Variants in KHDRBS3 observed in about 807,000 individuals in gnomAD.
The protein encoded by KHDRBS3 is KH RNA binding domain containing, signal transduction associated 3, also known as KH domain-containing, RNA-binding, signal transduction-associated protein 3.
KHDRBS3 carries 23 observed loss-of-function variants against 45.6 expected under a neutral mutation model. That is an observed-to-expected ratio of 0.50 (90% CI 0.36 to 0.72). The LOEUF is 0.72. Ranked by LOEUF, KHDRBS3 falls within the 30% of genes least tolerant of loss-of-function variation. The probability of loss-of-function intolerance (pLI) is 0.00; values close to 1 mark genes in which losing one functional copy is unlikely to be tolerated. For synonymous variants in KHDRBS3, 162 were observed against 156.5 expected, an observed-to-expected ratio of 1.04 and a Z score of -0.26; for missense variants, 352 against 424.8, an observed-to-expected ratio of 0.83 and a Z score of 1.51.
intron 7 of KHDRBS3, among the ~76,000 whole-genome samples, chr8:135,631,464 T>C (rs1359522734): frequency 1.3e-5 from 2 of 152,100 alleles, no homozygotes; most frequent in African/African-American, 4.8e-5. Context: ...GGTTTTTTTT[T>C]TAACTTTTTA....
chr8:135,535,577 T>G (rs1027748911), intron 2 of KHDRBS3, among the ~76,000 whole-genome samples: 15 of 151,926 alleles, frequency 9.9e-5, no homozygotes, highest in Non-Finnish European at 1.5e-4. Flanking sequence ...ATTATATATT[T>G]ATATGTGTGT....
intron 5 of KHDRBS3, among the ~76,000 whole-genome samples, chr8:135,572,566 A>G (rs1043267227): frequency 1.3e-5 from 2 of 152,242 alleles, no homozygotes; most frequent in African/African-American, 4.8e-5. Flanking sequence ...CTCTGGATCT[A>G]AGACTCAGCT....
At chr8:135,624,410 G>C (rs1462116653) in intron 7 of KHDRBS3, among the ~76,000 whole-genome samples, 1 of 152,136 alleles carries the variant, frequency 6.6e-6, no homozygotes, top group Non-Finnish European at 1.5e-5. Context: ...TAAAAATCTG[G>C]GCACACCTCA....
chr8:135,616,863 AT>A (rs953938036), intron 7 of KHDRBS3, among the ~76,000 whole-genome samples: 1 of 152,060 alleles, frequency 6.6e-6, no homozygotes, highest in African/African-American at 2.4e-5. Flanking sequence ...GTATTTATTT[AT>A]TTTTTAAATA....
At chr8:135,632,513 C>T (rs142690346) in intron 7 of KHDRBS3, among the ~76,000 whole-genome samples, 19 of 152,158 alleles carry the variant, frequency 1.2e-4, no homozygotes, top group African/African-American at 4.1e-4. Context: ...AGACCTGTCT[C>T]CTGACCCCTA....
At chr8:135,652,797 T>G (rs34260579) in intron 4 of KHDRBS3, among the ~76,000 whole-genome samples, 15,406 of 152,222 alleles carry the variant, frequency 0.1, 1,014 homozygotes, top group Middle Eastern at 0.24. Flanking sequence ...ATTGGCTGTT[T>G]ACCCTCCTTT....
At chr8:135,590,718 GTT>G (rs1184458736) in intron 6 of KHDRBS3, among the ~76,000 whole-genome samples, 1 of 152,168 alleles carries the variant, frequency 6.6e-6, no homozygotes, top group African/African-American at 2.4e-5. Context: ...CTTGAAAAAT[GTT>G]TTACAAAATG....
At chr8:135,576,096 T>C (rs921653505) in intron 5 of KHDRBS3, among the ~76,000 whole-genome samples, 2 of 152,192 alleles carry the variant, frequency 1.3e-5, no homozygotes, top group Non-Finnish European at 2.9e-5. Context: ...CCTGGGCTTA[T>C]GAGTTTGGGG....
chr8:135,503,289 T>C (rs1393548801), intron 1 of KHDRBS3, among the ~76,000 whole-genome samples: 1 of 152,214 alleles, frequency 6.6e-6, no homozygotes, highest in African/African-American at 2.4e-5. Context: ...TCTTAACTGC[T>C]TTAGGGAAAC....
intron 6 of KHDRBS3, among the ~76,000 whole-genome samples, chr8:135,605,742 CCCACA>C (rs1200674171): frequency 6.6e-6 from 1 of 152,028 alleles, no homozygotes; most frequent in Non-Finnish European, 1.5e-5. Flanking sequence ...AGTAAGTGAA[CCCACA>C]CAATTCAAAT....
At chr8:135,590,746 A>G (rs191756538) in intron 6 of KHDRBS3, among the ~76,000 whole-genome samples, 1 of 152,258 alleles carries the variant, frequency 6.6e-6, no homozygotes, top group Admixed American at 6.5e-5. Context: ...TAAAAAATAC[A>G]GACTTGCCAT....
intron 1 of KHDRBS3, among the ~76,000 whole-genome samples, chr8:135,498,525 G>A (rs1393537490): frequency 1.3e-5 from 2 of 152,128 alleles, no homozygotes; most frequent in African/African-American, 4.8e-5. Context: ...AACCTTTGCT[G>A]TAATTGTCTC....
intron 7 of KHDRBS3, among the ~76,000 whole-genome samples, chr8:135,613,190 C>T (rs1829776155): frequency 6.6e-6 from 1 of 151,858 alleles, no homozygotes; most frequent in Non-Finnish European, 1.5e-5. Flanking sequence ...TATGCATAAG[C>T]ACATTACAGT....
At chr8:135,495,597 G>GTGTC (rs1439878652) in intron 1 of KHDRBS3, among the ~76,000 whole-genome samples, 1 of 152,174 alleles carries the variant, frequency 6.6e-6, no homozygotes. Flanking sequence ...CTTCACCCTA[G>GTGTC]TGTCTGTTGG....
At chr8:135,493,235 C>T (rs1823246917) in intron 1 of KHDRBS3, among the ~76,000 whole-genome samples, 1 of 151,962 alleles carries the variant, frequency 6.6e-6, no homozygotes. Context: ...GTTGTAGACT[C>T]CTTCGGATTT....
chr8:135,466,327 TTTG>T (rs869063276), intron 1 of KHDRBS3, among the ~76,000 whole-genome samples: 20 of 152,312 alleles, frequency 1.3e-4, no homozygotes, highest in Middle Eastern at 3.4e-3. Flanking sequence ...TGAATTTAGT[TTTG>T]TTGTTCTCAT....
rs1188274402 is a variant in KHDRBS3, at chr8:135,647,054, C to T, written c.1011C>T (p.Val337=). The T allele has an allele frequency of 1.9e-6, 3 of 1,608,102 alleles. No homozygotes were observed. The South Asian group carries it at 3.3e-5, about 18-fold the overall frequency. Residue 337 remains valine (V), a synonymous_variant, in exon 9 of 9, where the codon GTC becomes GTT. Coordinates refer to ENST00000355849, the MANE Select transcript of KHDRBS3 (RefSeq NM_006558.3). ...CTTCAGCGAGGACAGCAAAGGGCGT[C>T]TACAGAGACCAGCCATATGGCAGAT... is the stretch of plus-strand genomic sequence containing the variant. ...KAPSARTAKG[V]YRDQPYGRY
chr8:135,587,460 G>C (rs553651776), intron 6 of KHDRBS3, among the ~76,000 whole-genome samples: 1 of 152,226 alleles, frequency 6.6e-6, no homozygotes, highest in East Asian at 1.9e-4. Context: ...CCAAAATGAA[G>C]AAAACAGATA....
At chr8:135,629,023 T>G (rs1830486418) in intron 7 of KHDRBS3, among the ~76,000 whole-genome samples, 1 of 152,204 alleles carries the variant, frequency 6.6e-6, no homozygotes, top group South Asian at 2.1e-4. Context: ...CCACATGACC[T>G]CTGAAGATCG....
Sources: allele counts gnomAD v4.1 joint callset (sites outside exome capture counted in the v4.1 genomes callset), GRCh38; gene constraint gnomAD v4.1.1; transcripts MANE v1.5; gene names NCBI Gene and HGNC (gene_info 2026-07-23, HGNC 2026-07-21).